Variants in TTC13 observed in about 807,000 individuals in gnomAD.
The protein encoded by TTC13 is tetratricopeptide repeat domain 13, also known as tetratricopeptide repeat protein 13.
Under a neutral mutation model 120.0 loss-of-function variants are expected in TTC13, and 62 were observed. The observed-to-expected ratio is 0.52, with a 90% CI of 0.42 to 0.64. The LOEUF is 0.64. Ranked by LOEUF, TTC13 falls within the 30% of genes least tolerant of loss-of-function variation. The probability of loss-of-function intolerance (pLI) is 0.00; values close to 1 mark genes in which losing one functional copy is unlikely to be tolerated. For missense variants in TTC13, 824 were observed against 1,050.2 expected (o/e 0.78, Z 2.98); for synonymous variants, 384 against 393.5 (o/e 0.98, Z 0.28).
intron 1 of TTC13, among the ~76,000 whole-genome samples, chr1:230,965,349 G>C (rs1214191930): frequency 6.6e-6 from 1 of 152,056 alleles, no homozygotes; most frequent in African/African-American, 2.4e-5. Flanking sequence ...ACATACAAAA[G>C]GCCAACAGGC....
At chr1:230,955,491 G>A (rs969221150) in intron 3 of TTC13, among the ~76,000 whole-genome samples, 5 of 146,698 alleles carry the variant, frequency 3.4e-5, no homozygotes, top group Admixed American at 6.8e-5. Context: ...GTGAAACCCC[G>A]TCTCTACTAA....
intron 4 of TTC13, among the ~76,000 whole-genome samples, chr1:230,953,978 T>C (rs922677808): frequency 6.6e-6 from 1 of 152,188 alleles, no homozygotes; most frequent in Non-Finnish European, 1.5e-5. Context: ...CTGTATCTCA[T>C]GGGAGATATT....
At chr1:230,937,664 CT>C (rs1674185962) in intron 8 of TTC13, among the ~76,000 whole-genome samples, 1 of 152,176 alleles carries the variant, frequency 6.6e-6, no homozygotes, top group African/African-American at 2.4e-5. Context: ...TGCAAAATTC[CT>C]TTTGGTTTGG....
At position 230,958,208 on chromosome 1, in the gene TTC13, C is replaced by A; in HGVS notation, c.442+16G>T. 1.2e-6 allele frequency: 2 copies of A among 1,608,702 alleles called. No individual in the cohort carries two copies. Among genetic ancestry groups the A allele is most frequent in the Admixed American group, 3.4e-5 (2 of 58,972 alleles). ...GAGGCAAATATTACAGGAATATTAC[C>A]AGATTCAAGTCTTACCTAACTCTTC... is the stretch of plus-strand genomic sequence containing the variant. On this transcript the variant is annotated intron_variant, in intron 3 of 22. Transcript: ENST00000366661.
At chr1:230,947,251 C>G (rs1187207946) in intron 4 of TTC13, among the ~76,000 whole-genome samples, 1 of 151,698 alleles carries the variant, frequency 6.6e-6, no homozygotes, top group Admixed American at 6.6e-5. Context: ...TAAAGGAAGG[C>G]AGAGTAAGTG....
intron 2 of TTC13, among the ~76,000 whole-genome samples, chr1:230,959,153 G>C (rs1467098102): frequency 6.6e-6 from 1 of 152,126 alleles, no homozygotes; most frequent in African/African-American, 2.4e-5. Flanking sequence ...TTGCTTAGAG[G>C]CAAGAAAAAG....
At chr1:230,908,279 C>T in intron 22 of TTC13, 1 of 384,502 alleles carries the variant, frequency 2.6e-6, no homozygotes, top group Non-Finnish European at 5.1e-6. Context: ...CCTCAAACTC[C>T]TAGGCTCAAG....
chr1:230,951,147 T>A (rs1316341007), intron 4 of TTC13, among the ~76,000 whole-genome samples: 3 of 152,196 alleles, frequency 2.0e-5, no homozygotes, highest in Non-Finnish European at 4.4e-5. Flanking sequence ...GTTTGTAACC[T>A]GATGGTGAAA....
intron 4 of TTC13, among the ~76,000 whole-genome samples, chr1:230,947,887 G>C (rs1184929045): frequency 1.3e-5 from 2 of 152,132 alleles, no homozygotes; most frequent in African/African-American, 2.4e-5. Context: ...GCATCCTCCT[G>C]CTCTCCAGGT....
intron 15 of TTC13, among the ~76,000 whole-genome samples, chr1:230,922,795 G>C (rs557222624): frequency 2.0e-5 from 3 of 152,180 alleles, no homozygotes; most frequent in Non-Finnish European, 1.5e-5. Flanking sequence ...ACACTGCATA[G>C]TAGTTGTCTG....
intron 17 of TTC13, among the ~76,000 whole-genome samples, chr1:230,917,259 T>A (rs1280138377): frequency 6.6e-6 from 1 of 152,152 alleles, no homozygotes; most frequent in Non-Finnish European, 1.5e-5. Context: ...CCTCACAACA[T>A]ACTGATAGCA....
In TTC13 at chr1:230,926,864, T is replaced by C. The variant is rs539712395; in HGVS notation, c.1458-1217A>G. Among the ~76,000 whole-genome samples, 4 of 152,324 alleles carry C rather than the reference T, an allele frequency of 2.6e-5. No individual in the cohort carries two copies. The South Asian group carries it at 6.2e-4, about 24-fold the overall frequency. On this transcript the variant is annotated intron_variant, in intron 12 of 22. Transcript: ENST00000366661. The stretch of plus-strand genomic sequence containing the variant: ...TATCTACTTGTATGCTGCTTTCCTA[T>C]CCCATCCTCCCATCTCTTGAAATGT...
intron 17 of TTC13, among the ~76,000 whole-genome samples, chr1:230,918,930 C>T (rs993280381): frequency 6.6e-6 from 1 of 152,166 alleles, no homozygotes; most frequent in Non-Finnish European, 1.5e-5. Context: ...AGTGTTTAAA[C>T]CACTAATTGG....
In TTC13 at chr1:230,949,643, T is replaced by C. The variant is rs1179247399; in HGVS notation, c.514-4189A>G. 3.4e-5 allele frequency among the ~76,000 whole-genome samples: 5 copies of C among 147,576 alleles called. No individual in the cohort carries two copies. In the East Asian group the frequency reaches 8.0e-4, roughly 24 times the overall value. On this transcript the variant is annotated intron_variant, in intron 4 of 22. Coordinates refer to ENST00000366661, the MANE Select transcript of TTC13 (RefSeq NM_024525.5). Reference sequence around the variant, plus strand: ...TTTCTCTATTCAATTTATTCTTTCCTTTTTTTTTTATTTTTTATTTTTGAG... The same window carrying C: ...TTTCTCTATTCAATTTATTCTTTCCCTTTTTTTTTATTTTTTATTTTTGAG...
intron 1 of TTC13, among the ~76,000 whole-genome samples, chr1:230,965,004 G>T (rs1676993984): frequency 6.6e-6 from 1 of 152,104 alleles, no homozygotes; most frequent in African/African-American, 2.4e-5. Context: ...TTAAATCCAA[G>T]AACTCAAACT....
chr1:230,977,940 C>T (rs1678514549), intron 1 of TTC13, among the ~76,000 whole-genome samples: 1 of 152,232 alleles, frequency 6.6e-6, no homozygotes, highest in African/African-American at 2.4e-5. Context: ...GCCTTTTTTC[C>T]CTCTGGGAGA....
intron 20 of TTC13, 27 bp downstream of exon 20, chr1:230,911,443 T>C: frequency 6.7e-7 from 1 of 1,496,132 alleles, no homozygotes; most frequent in Non-Finnish European, 9.1e-7. Context: ...CAATTTAAAA[T>C]AATTTTAATG....
At chr1:230,917,775 A>G (rs1202580332) in intron 17 of TTC13, among the ~76,000 whole-genome samples, 1 of 152,070 alleles carries the variant, frequency 6.6e-6, no homozygotes, top group Non-Finnish European at 1.5e-5. Flanking sequence ...CTTCTTAGAC[A>G]AAGACATATA....
intron 18 of TTC13, among the ~76,000 whole-genome samples, chr1:230,915,584 T>C (rs1671937339): frequency 6.6e-6 from 1 of 152,216 alleles, no homozygotes. Context: ...TATTATGCAG[T>C]TACTAAAAAT....
Sources: allele counts gnomAD v4.1 joint callset (sites outside exome capture counted in the v4.1 genomes callset), GRCh38; gene constraint gnomAD v4.1.1; transcripts MANE v1.5; gene names NCBI Gene and HGNC (gene_info 2026-07-23, HGNC 2026-07-21).